Variants in ABCG5 observed in about 807,000 individuals in gnomAD.
The protein encoded by ABCG5 is ATP binding cassette subfamily G member 5.
A neutral mutation model predicts 64.5 loss-of-function variants in ABCG5; 64 were observed. The ratio of observed to expected loss-of-function variants is 0.99; its 90% CI spans 0.81 to 1.22. ABCG5 has a LOEUF of 1.22. Ranked by LOEUF, ABCG5 falls within the 50% of genes most tolerant of loss-of-function variation. ABCG5 has a pLI of 0.00. For synonymous variants in ABCG5, 385 were observed against 326.3 expected (o/e 1.18, Z -1.94); for missense variants, 908 against 829.5 (o/e 1.09, Z -1.16).
At chr2:43,816,419 T>C (rs761937678) in intron 11 of ABCG5, among the ~76,000 whole-genome samples, 1 of 149,164 alleles carries the variant, frequency 6.7e-6, no homozygotes, top group South Asian at 2.2e-4. Context: ...ACCAACAGAC[T>C]TTGTGCAGGT....
intron 2 of ABCG5, among the ~76,000 whole-genome samples, chr2:43,834,691 A>C (rs1368728484): frequency 6.6e-6 from 1 of 152,250 alleles, no homozygotes; most frequent in African/African-American, 2.4e-5. Context: ...TCATAAGGTT[A>C]ATGCCCTAAA....
At chr2:43,819,715 G>A (rs539165951) in intron 11 of ABCG5, among the ~76,000 whole-genome samples, 200 bp downstream of exon 11, 3 of 151,994 alleles carry the variant, frequency 2.0e-5, no homozygotes, top group South Asian at 2.1e-4. Flanking sequence ...CCTGATTCCC[G>A]ATAAAAAAGA....
intron 9 of ABCG5, 109 bp downstream of exon 9, chr2:43,823,804 G>A: frequency 7.5e-7 from 1 of 1,325,758 alleles, no homozygotes; most frequent in South Asian, 1.4e-5. Flanking sequence ...AGAGGGCTGG[G>A]TTTAGCTCAG....
At chr2:43,835,293 TG>T (rs147061967) in intron 2 of ABCG5, among the ~76,000 whole-genome samples, 11 of 141,364 alleles carry the variant, frequency 7.8e-5, no homozygotes, top group Admixed American at 5.4e-4. Context: ...ACTTCTGAGA[TG>T]GGGGGTTCCA....
intron 5 of ABCG5, 64 bp from the exon 6 acceptor site, chr2:43,826,585 C>T (rs1426463523): frequency 6.2e-7 from 1 of 1,610,538 alleles, no homozygotes; most frequent in Non-Finnish European, 8.5e-7. Flanking sequence ...GCTTAAAACT[C>T]AGAGTTCTGA....
the ABCG5 span, among the ~76,000 whole-genome samples, chr2:43,807,072 T>C: frequency 2.0e-4 from 31 of 152,310 alleles, no homozygotes; most frequent in Admixed American, 9.2e-4. Flanking sequence ...TGTTATTTCA[T>C]TGATAATCCG....
upstream of ABCG5, chr2:43,839,061 G>C (rs778143236): frequency 2.6e-6 from 4 of 1,551,092 alleles, no homozygotes; most frequent in Non-Finnish European, 3.5e-6. Flanking sequence ...CCCATGGCCG[G>C]GAAGGCGGCA....
chr2:43,820,135 A>C, intron 10 of ABCG5, 35 bp from the exon 11 acceptor site: 1 of 1,599,530 alleles, frequency 6.3e-7, no homozygotes, highest in Non-Finnish European at 8.5e-7. Context: ...TTCCTCTCCA[A>C]GGGCTATCAT....
intron 11 of ABCG5, among the ~76,000 whole-genome samples, chr2:43,817,276 G>A (rs912823879): frequency 6.6e-6 from 1 of 152,086 alleles, no homozygotes; most frequent in East Asian, 1.9e-4. Flanking sequence ...CTTGAAGTCA[G>A]GAGTTTGAGA....
At position 43,822,836 on chromosome 2, in the gene ABCG5, C is replaced by T. The variant is rs1197542619; in HGVS notation, c.1424G>A (p.Ser475Asn). 6 of 1,614,088 alleles carry T rather than the reference C, an allele frequency of 3.7e-6. No homozygotes were observed. The African/African-American group carries it at 8.0e-5, about 22-fold the overall frequency. ...LAYALHVLPFSVVATMIFSSV... is the reference protein window; with the variant it reads ...LAYALHVLPFNVVATMIFSSV... ...GCTGAAAATCATGGTGGCAACAACGCTGAAGGGGAGGACGTGCAGTGCATA... is the reference window on the plus strand; with the variant it reads ...GCTGAAAATCATGGTGGCAACAACGTTGAAGGGGAGGACGTGCAGTGCATA... Residue 475 changes from serine to asparagine, a missense_variant, in exon 10 of 13, where the codon AGC (serine) becomes AAC (asparagine). Coordinates refer to ENST00000405322, the MANE Select transcript of ABCG5 (RefSeq NM_022436.3).
intron 2 of ABCG5, among the ~76,000 whole-genome samples, chr2:43,836,215 A>G (rs1042742602): frequency 6.6e-6 from 1 of 152,040 alleles, no homozygotes; most frequent in Admixed American, 6.5e-5. Context: ...TGCTGGGATT[A>G]CAAGCATGAG....
intron 11 of ABCG5, among the ~76,000 whole-genome samples, 180 bp from the exon 12 acceptor site, chr2:43,814,769 G>A (rs924993859): frequency 6.6e-6 from 1 of 152,024 alleles, no homozygotes; most frequent in Non-Finnish European, 1.5e-5. Flanking sequence ...AAGAAATACC[G>A]TTGCCTAGAA....
At chr2:43,834,570 T>G (rs182756408) in intron 2 of ABCG5, among the ~76,000 whole-genome samples, 46 of 152,344 alleles carry the variant, frequency 3.0e-4, no homozygotes, top group Admixed American at 7.2e-4. Context: ...GTTAACTCAT[T>G]AATGAGGGAA....
chr2:43,825,187 C>G (rs1421215747), intron 6 of ABCG5, among the ~76,000 whole-genome samples, 169 bp from the exon 7 acceptor site: 2 of 152,146 alleles, frequency 1.3e-5, no homozygotes, highest in African/African-American at 2.4e-5. Context: ...GACCTTGGCC[C>G]TGCATCAGTA....
At position 43,824,211 on chromosome 2, in the gene ABCG5, C is replaced by A. The variant is rs1441613123; in HGVS notation, c.1118+8G>T. 1 of 1,614,092 alleles carries A rather than the reference C, an allele frequency of 6.2e-7. No individual in the cohort carries two copies. Among genetic ancestry groups the A allele is most frequent in the East Asian group, 2.2e-5 (1 of 44,886 alleles). ...AACAGGCATTTCTCACATTTGTGAG[C>A]CTCTTACCTCAGGAGAACACCCAGT... On this transcript the variant is annotated splice_region_variant and intron_variant, in intron 8 of 12. Transcript: ENST00000405322.
At position 43,814,591 on chromosome 2, in the gene ABCG5, T is replaced by A. The variant is rs776443745; in HGVS notation, c.1650-2A>T. ...GGAATGGGCATTTCTTGTATGTTTC[T>A]TAAGAAAAAGAAAACAAAAATGAAA... On this transcript the variant is annotated splice_acceptor_variant, in intron 11 of 12. Transcript: ENST00000405322. LOFTEE classifies it high-confidence loss of function. The A allele has an allele frequency of 1.3e-6, 2 of 1,567,632 alleles. No homozygotes were observed. Among genetic ancestry groups the A allele is most frequent in the South Asian group, 2.2e-5 (2 of 89,556 alleles).
chr2:43,823,854 G>A, intron 9 of ABCG5, 59 bp downstream of exon 9: 1 of 1,578,616 alleles, frequency 6.3e-7, no homozygotes, highest in Non-Finnish European at 8.7e-7. Context: ...TAAGGTTACA[G>A]CTGGAGAAGG....
the ABCG5 span, among the ~76,000 whole-genome samples, chr2:43,806,436 T>C: frequency 6.6e-6 from 1 of 152,066 alleles, no homozygotes; most frequent in African/African-American, 2.4e-5. Flanking sequence ...AGCAAAACAT[T>C]TTATGTAAAC....
intron 4 of ABCG5, 48 bp downstream of exon 4, chr2:43,831,721 G>C: frequency 6.6e-7 from 1 of 1,510,928 alleles, no homozygotes; most frequent in Non-Finnish European, 9.0e-7. Context: ...GCAGCGGGGG[G>C]TGCAAAGGTA....
Sources: allele counts gnomAD v4.1 joint callset (sites outside exome capture counted in the v4.1 genomes callset), GRCh38; gene constraint gnomAD v4.1.1; transcripts MANE v1.5; gene names NCBI Gene and HGNC (gene_info 2026-07-23, HGNC 2026-07-21).